ZBTB16: variants seen among roughly 807,000 people sequenced by gnomAD.
ZBTB16 encodes zinc finger and BTB domain-containing protein 16.
In ZBTB16, 8 loss-of-function variants were observed where a neutral mutation model predicts 56.8. The observed-to-expected ratio is 0.14, with a 90% confidence interval of 0.08 to 0.25. ZBTB16 has a LOEUF of 0.25. Ranked by LOEUF, ZBTB16 falls within the 10% of genes least tolerant of loss-of-function variation. The pLI, the probability that ZBTB16 is intolerant of heterozygous loss-of-function variation, is 1.00. For missense variants in ZBTB16, 625 were observed against 903.0 expected, an observed-to-expected ratio of 0.69 and a Z score of 3.95; for synonymous variants, 363 against 368.5, an observed-to-expected ratio of 0.98 and a Z score of 0.17.
chr11:114,105,655 T>C (rs963841804), intron 2 of ZBTB16, among the ~76,000 whole-genome samples: 1 of 152,214 alleles, frequency 6.6e-6, no homozygotes, highest in Non-Finnish European at 1.5e-5. Flanking sequence ...CTCCCTGAGT[T>C]CCCTCGTTTG....
At chr11:114,148,197 G>A (rs754014051) in intron 2 of ZBTB16, among the ~76,000 whole-genome samples, 2 of 151,972 alleles carry the variant, frequency 1.3e-5, no homozygotes, top group Non-Finnish European at 2.9e-5. Flanking sequence ...GCTGTATTCG[G>A]TGTGGTCATG....
chr11:114,186,894 C>A, intron 3 of ZBTB16, 58 bp from the exon 4 acceptor site: 1 of 1,558,700 alleles, frequency 6.4e-7, no homozygotes, highest in Non-Finnish European at 8.8e-7. Context: ...TGGCCCAGGA[C>A]CTCCCCGCTC....
intron 2 of ZBTB16, among the ~76,000 whole-genome samples, chr11:114,074,197 C>G (rs1023056164): frequency 6.6e-6 from 1 of 152,174 alleles, no homozygotes; most frequent in Non-Finnish European, 1.5e-5. Context: ...ACAAGGGAGC[C>G]GCTGAGCCCC....
chr11:114,218,633 C>T (rs892110401), intron 4 of ZBTB16, among the ~76,000 whole-genome samples: 6 of 152,200 alleles, frequency 3.9e-5, no homozygotes, highest in Non-Finnish European at 7.3e-5. Flanking sequence ...TAAATAAACA[C>T]ATATCAAAGG....
intron 2 of ZBTB16, among the ~76,000 whole-genome samples, chr11:114,082,906 A>G (rs1000624752): frequency 6.6e-6 from 1 of 152,174 alleles, no homozygotes; most frequent in Non-Finnish European, 1.5e-5. Flanking sequence ...CAGCGACGCT[A>G]TCTCCCGCGG....
At chr11:114,122,573 C>T (rs1372790676) in intron 2 of ZBTB16, among the ~76,000 whole-genome samples, 1 of 152,098 alleles carries the variant, frequency 6.6e-6, no homozygotes, top group Non-Finnish European at 1.5e-5. Flanking sequence ...GAGCATGGCC[C>T]CATCTTTGAA....
intron 2 of ZBTB16, among the ~76,000 whole-genome samples, chr11:114,146,031 C>T (rs976119894): frequency 6.6e-6 from 1 of 152,110 alleles, no homozygotes; most frequent in African/African-American, 2.4e-5. Context: ...GGACAACCTA[C>T]CTAGAAGGGC....
At chr11:114,212,661 G>T (rs1001908571) in intron 4 of ZBTB16, among the ~76,000 whole-genome samples, 3 of 152,130 alleles carry the variant, frequency 2.0e-5, no homozygotes, top group African/African-American at 7.2e-5. Context: ...GTTGCTTCCC[G>T]AAGCTGCTTT....
chr11:114,232,332 T>G (rs1944455255), intron 4 of ZBTB16, among the ~76,000 whole-genome samples: 1 of 152,194 alleles, frequency 6.6e-6, no homozygotes, highest in African/African-American at 2.4e-5. Flanking sequence ...CCTTTGGCTT[T>G]AGGAACCCTG....
intron 4 of ZBTB16, among the ~76,000 whole-genome samples, chr11:114,239,781 A>G (rs567649): frequency 0.94 from 143,601 of 152,278 alleles, 67,763 homozygotes; most frequent in East Asian, 0.99. Context: ...CCTCTGTACC[A>G]TCCTTACTGG....
intron 4 of ZBTB16, among the ~76,000 whole-genome samples, chr11:114,241,384 A>G (rs1944699427): frequency 6.6e-6 from 1 of 152,172 alleles, no homozygotes; most frequent in African/African-American, 2.4e-5. Flanking sequence ...GCTGGGCTGC[A>G]CAGCAGGAGG....
At chr11:114,160,518 A>T (rs369168138) in intron 3 of ZBTB16, among the ~76,000 whole-genome samples, 1 of 152,252 alleles carries the variant, frequency 6.6e-6, no homozygotes, top group African/African-American at 2.4e-5. Flanking sequence ...AGAATACTAA[A>T]TTTACACTGC....
At chr11:114,231,450 C>G (rs989242304) in intron 4 of ZBTB16, among the ~76,000 whole-genome samples, 4 of 152,186 alleles carry the variant, frequency 2.6e-5, no homozygotes, top group African/African-American at 7.2e-5. Context: ...TTCAGGTACT[C>G]TCAGACCCAG....
intron 2 of ZBTB16, among the ~76,000 whole-genome samples, chr11:114,093,528 G>A (rs771110940): frequency 2.0e-5 from 3 of 152,188 alleles, no homozygotes; most frequent in Non-Finnish European, 4.4e-5. Context: ...AAGAAGCAAC[G>A]GGACCCCTAG....
intron 3 of ZBTB16, among the ~76,000 whole-genome samples, chr11:114,161,543 G>A (rs1008349191): frequency 6.6e-6 from 1 of 152,136 alleles, no homozygotes; most frequent in African/African-American, 2.4e-5. Context: ...GTAGGAGAGT[G>A]TTTTGTGCCA....
At chr11:114,105,232 C>G (rs1239765014) in intron 2 of ZBTB16, among the ~76,000 whole-genome samples, 1 of 148,824 alleles carries the variant, frequency 6.7e-6, no homozygotes, top group Non-Finnish European at 1.5e-5. Context: ...AATTCTGTCT[C>G]TCTCTCTCTC....
chr11:114,122,997 G>A (rs1406494059), intron 2 of ZBTB16, among the ~76,000 whole-genome samples: 1 of 152,160 alleles, frequency 6.6e-6, no homozygotes, highest in Non-Finnish European at 1.5e-5. Flanking sequence ...AGCAGATTTG[G>A]TGTCTGGGGA....
rs1335289168 is a variant in ZBTB16, at chr11:114,077,994, A to G, written c.1268+13426A>G. 7.9e-5 allele frequency among the ~76,000 whole-genome samples: 12 copies of G among 152,326 alleles called. No individual in the cohort carries two copies. In the East Asian group the frequency reaches 2.1e-3, roughly 27 times the overall value. ...GCCAGTTTTTCCAATATGCAAAGAT[A>G]AACTGTTGGGGTCAGGGTGAGGGGT... On this transcript the variant is annotated intron_variant, in intron 2 of 6. Coordinates refer to ENST00000335953, the MANE Select transcript of ZBTB16 (RefSeq NM_006006.6).
intron 5 of ZBTB16, among the ~76,000 whole-genome samples, chr11:114,245,971 C>T (rs776753765): frequency 5.8e-4 from 88 of 152,180 alleles, no homozygotes; most frequent in Non-Finnish European, 1.1e-3. Flanking sequence ...TGCGCCTTCA[C>T]TCCTGTAATA....
Sources: allele counts gnomAD v4.1 joint callset (sites outside exome capture counted in the v4.1 genomes callset), GRCh38; gene constraint gnomAD v4.1.1; transcripts MANE v1.5; gene names NCBI Gene and HGNC (gene_info 2026-07-23, HGNC 2026-07-21).